NIN: variants seen among roughly 807,000 people sequenced by gnomAD.
NIN encodes the protein ninein, also known as glycogen synthase kinase 3 beta-interacting protein.
Under a neutral mutation model 257.6 loss-of-function variants are expected in NIN, and 137 were observed. The ratio of observed to expected loss-of-function variants is 0.53; its 90% CI spans 0.46 to 0.61. The LOEUF (loss-of-function observed/expected upper bound fraction) is 0.61. NIN is among the 20% of genes least tolerant of loss of function. NIN has a pLI of 0.00. For missense variants in NIN, 2,439 were observed against 2,501.2 expected (o/e 0.98, Z 0.53); for synonymous variants, 918 against 919.8 (o/e 1.00, Z 0.04).
chr14:50,820,352 G>A (rs73299325), intron 3 of NIN, among the ~76,000 whole-genome samples: 1,555 of 152,324 alleles, frequency 0.01, 27 homozygotes, highest in African/African-American at 0.036. Flanking sequence ...TTGACCTGCT[G>A]CCAAGGTGCA....
At chr14:50,827,390 A>C (rs1408927902) in intron 2 of NIN, among the ~76,000 whole-genome samples, 1 of 152,210 alleles carries the variant, frequency 6.6e-6, no homozygotes, top group Non-Finnish European at 1.5e-5. Context: ...ACTGTGAATG[A>C]AATCATGATA....
At chr14:50,786,504 C>A (rs1390018099) in intron 5 of NIN, among the ~76,000 whole-genome samples, 1 of 152,090 alleles carries the variant, frequency 6.6e-6, no homozygotes, top group Non-Finnish European at 1.5e-5. Flanking sequence ...ATTTTATAAG[C>A]TTTGAAGGAG....
chr14:50,822,664 G>C (rs17122941), intron 2 of NIN, among the ~76,000 whole-genome samples: 6,112 of 152,262 alleles, frequency 0.04, 423 homozygotes, highest in African/African-American at 0.14. Flanking sequence ...GCTGCAGCAA[G>C]AGGCACTAAA....
chr14:50,723,998 T>A (rs2040324791), intron 30 of NIN: 3 of 277,994 alleles, frequency 1.1e-5, no homozygotes, highest in Non-Finnish European at 2.1e-5. Context: ...ATCAAATACT[T>A]TTATAACTTA....
At chr14:50,811,478 A>G (rs1257605298) in intron 3 of NIN, among the ~76,000 whole-genome samples, 1 of 150,958 alleles carries the variant, frequency 6.6e-6, no homozygotes, top group Non-Finnish European at 1.5e-5. Context: ...ATCAAGAACA[A>G]TCTAGTTGTA....
chr14:50,781,806 C>A (rs899255703), intron 5 of NIN, among the ~76,000 whole-genome samples: 1 of 152,338 alleles, frequency 6.6e-6, no homozygotes, highest in Non-Finnish European at 1.5e-5. Context: ...AAGCTCTACA[C>A]AATTTTGTTA....
In NIN at chr14:50,727,395, T is replaced by C. The variant is rs1007239531; in HGVS notation, c.6079-1329A>G. 9 of 1,042,352 alleles carry C rather than the reference T, an allele frequency of 8.6e-6. No homozygotes were observed. The South Asian group carries it at 1.4e-4, about 17-fold the overall frequency. 64.6% of individuals were successfully genotyped at this position (1,042,352 alleles called of 1,614,324 possible). On this transcript the variant is annotated intron_variant, in intron 29 of 30. Transcript: ENST00000530997. The stretch of plus-strand genomic sequence containing the variant: ...TTACAACATATGGAATGAGAAAATA[T>C]ATAGACTACATCCTTTCAAGAATCT...
chr14:50,756,302 G>A (rs577075290), intron 18 of NIN, among the ~76,000 whole-genome samples, 190 bp downstream of exon 18: 16 of 152,258 alleles, frequency 1.1e-4, no homozygotes, highest in African/African-American at 3.6e-4. Context: ...TTGCTACAGC[G>A]GAAGGGAATG....
chr14:50,814,944 G>T (rs984866606), intron 3 of NIN, among the ~76,000 whole-genome samples: 7 of 152,176 alleles, frequency 4.6e-5, no homozygotes, highest in African/African-American at 1.7e-4. Context: ...AACCCTAGAA[G>T]AAAATCTAGG....
chr14:50,763,847 C>T lies in NIN; in HGVS notation c.1753G>A (p.Gly585Ser), dbSNP rs746575495. 3.3e-5 allele frequency: 53 copies of T among 1,613,738 alleles called. No homozygotes were observed. The highest frequency in any genetic ancestry group is 7.7e-5 in the South Asian group (7 of 91,078). Reference protein sequence around the residue: ...SPSEEVEANSGGIEPEHGLGS... With the variant: ...SPSEEVEANSSGIEPEHGLGS... ...TTACCGTGTTCGGGCTCAATGCCAC[C>T]GCTGTTAGCCTCAACTTCTTCTGAC... Residue 585 changes from glycine (G) to serine (S), a missense_variant, in exon 15 of 31, where the codon GGT (glycine) becomes AGT (serine). Physicochemically the swap from Gly to Ser is moderately conservative, Grantham distance 56 (BLOSUM62 0). Transcript: ENST00000530997.
intron 4 of NIN, among the ~76,000 whole-genome samples, chr14:50,795,903 T>C (rs1301481654): frequency 6.6e-6 from 1 of 152,064 alleles, no homozygotes; most frequent in African/African-American, 2.4e-5. Flanking sequence ...CGGTTGAACC[T>C]AGGAGGCAGA....
intron 27 of NIN, 47 bp from the exon 28 acceptor site, chr14:50,735,664 CTTGAG>C: frequency 6.4e-7 from 1 of 1,564,626 alleles, no homozygotes; most frequent in Non-Finnish European, 8.6e-7. Context: ...AACAAAAACA[CTTGAG>C]TTGTTCTACT....
intron 4 of NIN, among the ~76,000 whole-genome samples, chr14:50,796,862 A>C (rs746892168): frequency 6.6e-5 from 10 of 152,318 alleles, no homozygotes; most frequent in South Asian, 2.1e-4. Flanking sequence ...TGACCACTGC[A>C]CCAGATCACC....
intron 23 of NIN, 109 bp downstream of exon 23, chr14:50,744,134 C>A: frequency 8.1e-7 from 1 of 1,241,178 alleles, no homozygotes; most frequent in South Asian, 1.4e-5. Flanking sequence ...CCAGGACACT[C>A]TGGAACAACA....
chr14:50,779,170 T>A (rs1277809837), intron 5 of NIN, among the ~76,000 whole-genome samples: 1 of 152,232 alleles, frequency 6.6e-6, no homozygotes, highest in Non-Finnish European at 1.5e-5. Flanking sequence ...TATTCTTCAA[T>A]AAATGTGTAC....
intron 28 of NIN, among the ~76,000 whole-genome samples, chr14:50,734,388 G>A (rs977541847): frequency 1.3e-5 from 2 of 152,022 alleles, no homozygotes; most frequent in African/African-American, 4.8e-5. Flanking sequence ...CACTGCGCCC[G>A]GCCCCATTTC....
At chr14:50,823,429 C>T (rs1219625352) in intron 2 of NIN, 3 of 346,316 alleles carry the variant, frequency 8.7e-6, no homozygotes, top group Non-Finnish European at 1.8e-5. Context: ...GTCCATACGG[C>T]AGATCATTAC....
Position 50,741,576 on chromosome 14 carries a change from A to G in NIN, c.5448+6T>C. On this transcript the variant is annotated splice_donor_region_variant and intron_variant, in intron 25 of 30. Coordinates refer to ENST00000530997, the MANE Select transcript of NIN (RefSeq NM_020921.4). The stretch of plus-strand genomic sequence containing the variant: ...CTTATACCTAAATAAAAAAAGAACA[A>G]ATCACCTTGCCACCAGCATTCTGAA... The G allele has an allele frequency of 6.2e-7, 1 of 1,612,110 alleles. No homozygotes were observed. The highest frequency in any genetic ancestry group is 1.7e-5 in the Admixed American group (1 of 59,344).
At chr14:50,742,728 C>T (rs181420836) in intron 24 of NIN, among the ~76,000 whole-genome samples, 197 of 152,168 alleles carry the variant, frequency 1.3e-3, no homozygotes, top group Middle Eastern at 0.01. Context: ...TCCTATTTTA[C>T]GCTAATACCG....
Sources: allele counts gnomAD v4.1 joint callset (sites outside exome capture counted in the v4.1 genomes callset), GRCh38; gene constraint gnomAD v4.1.1; transcripts MANE v1.5; gene names NCBI Gene and HGNC (gene_info 2026-07-23, HGNC 2026-07-21).